TRERF1: variants seen among roughly 807,000 people sequenced by gnomAD.
TRERF1 encodes transcriptional-regulating factor 1.
TRERF1 carries 27 observed loss-of-function variants against 122.9 expected under a neutral mutation model. That is an observed-to-expected ratio of 0.22 (90% CI 0.16 to 0.30). The LOEUF (loss-of-function observed/expected upper bound fraction) is 0.30. Ranked by LOEUF, TRERF1 falls within the 10% of genes least tolerant of loss-of-function variation. The pLI is 1.00. For missense variants in TRERF1, 1,248 were observed against 1,560.3 expected (o/e 0.80, Z 3.37); for synonymous variants, 636 against 641.7 (o/e 0.99, Z 0.13).
rs1252866279 is a variant in TRERF1 at position 42,232,648 on chromosome 6, A to G, written c.3278+33T>C. The G allele has an allele frequency of 1.9e-6, 3 of 1,546,918 alleles. No homozygotes were observed. Among genetic ancestry groups the G allele is most frequent in the African/African-American group, 2.7e-5 (2 of 73,622 alleles). On this transcript the variant is annotated intron_variant, in intron 17 of 17. Transcript: ENST00000372922. This position sits in a 1 kb window ranked among gnomAD's most constrained non-coding sequence, Gnocchi z 4.5. Reference sequence around the variant, plus strand: ...CCCATAGAGCGACTACCCATCATGAACTCAGATTCAGTCCCCGGTCCCCTG... The same window carrying G: ...CCCATAGAGCGACTACCCATCATGAGCTCAGATTCAGTCCCCGGTCCCCTG...
chr6:42,324,219 A>G (rs1285504737), intron 3 of TRERF1, among the ~76,000 whole-genome samples: 1 of 152,212 alleles, frequency 6.6e-6, no homozygotes, highest in East Asian at 1.9e-4. Flanking sequence ...ATATCTCTAC[A>G]AGAACTACAA....
rs60880174 is a variant in TRERF1, at chr6:42,303,904, TAA to T, written c.-370-3157_-370-3156del. On this transcript the variant is annotated intron_variant, in intron 3 of 17. Transcript: ENST00000372922. The stretch of plus-strand genomic sequence containing the variant: ...GGTGACAGAGGGAGACACTGTCTCA[TAA>T]AAAAAAAAAAAAAAAAAAAAAAAGA... 7.3e-3 allele frequency among the ~76,000 whole-genome samples: 506 copies of T among 69,266 alleles called. 1 individual carries two copies. Among genetic ancestry groups the T allele is most frequent in the Middle Eastern group, 0.038 (4 of 106 alleles). 45.4% of individuals were successfully genotyped at this position (69,266 alleles called of 152,430 possible).
chr6:42,435,824 A>G (rs1328388175), intron 2 of TRERF1, among the ~76,000 whole-genome samples: 1 of 147,772 alleles, frequency 6.8e-6, no homozygotes, highest in Non-Finnish European at 1.5e-5. Context: ...AAAAAAAAAT[A>G]CAAAAGTTAG....
chr6:42,389,631 G>A (rs75864322), intron 2 of TRERF1, among the ~76,000 whole-genome samples: 1,549 of 152,260 alleles, frequency 0.01, 29 homozygotes, highest in African/African-American at 0.034. Flanking sequence ...TTATCCAGCC[G>A]TCATTGATTA....
At chr6:42,352,351 C>T (rs1769626736) in intron 3 of TRERF1, among the ~76,000 whole-genome samples, 1 of 152,172 alleles carries the variant, frequency 6.6e-6, no homozygotes, top group African/African-American at 2.4e-5. Flanking sequence ...TATGCACACA[C>T]AGAAAAACTA....
chr6:42,337,469 C>T (rs114351692), intron 3 of TRERF1, among the ~76,000 whole-genome samples: 284 of 152,288 alleles, frequency 1.9e-3, no homozygotes, highest in Middle Eastern at 3.4e-3. Flanking sequence ...ATTGAGTCCC[C>T]GCCTGCAGAT....
At chr6:42,240,680 C>T (rs1773478175) in intron 15 of TRERF1, among the ~76,000 whole-genome samples, 1 of 152,158 alleles carries the variant, frequency 6.6e-6, no homozygotes, top group African/African-American at 2.4e-5. Context: ...TTGCATACTG[C>T]TTTTAAACAC....
intron 2 of TRERF1, among the ~76,000 whole-genome samples, chr6:42,372,438 T>C (rs1422418234): frequency 6.6e-6 from 1 of 152,138 alleles, no homozygotes; most frequent in Non-Finnish European, 1.5e-5. Context: ...AGAGTGGCAA[T>C]GGCTTCCCCC....
At chr6:42,320,393 C>G (rs1279946468) in intron 3 of TRERF1, among the ~76,000 whole-genome samples, 1 of 152,014 alleles carries the variant, frequency 6.6e-6, no homozygotes, top group Non-Finnish European at 1.5e-5. Flanking sequence ...TAAACAGATT[C>G]AAGAAGGGTT....
chr6:42,269,051 A>G lies in TRERF1; in HGVS notation c.540T>C (p.Ala180=). 1.2e-6 allele frequency: 2 copies of G among 1,614,130 alleles called. No homozygotes were observed. The highest frequency in any genetic ancestry group is 1.6e-4 in the Middle Eastern group (1 of 6,062). Residue 180 remains alanine, a synonymous_variant, in exon 5 of 18, where the codon GCT becomes GCC. Transcript: ENST00000372922. This position sits in a 1 kb window ranked among gnomAD's most constrained non-coding sequence, Gnocchi z 4.9. ...GCTTCTGAGACAGCAGCTGGCGGAG[A>G]GCACTGTCAGGGGCTCCATCCATCA...
At chr6:42,389,543 C>T (rs900477535) in intron 2 of TRERF1, among the ~76,000 whole-genome samples, 6 of 152,234 alleles carry the variant, frequency 3.9e-5, no homozygotes, top group African/African-American at 9.6e-5. Flanking sequence ...TGACCCAGCA[C>T]GGAGCCTCTG....
intron 2 of TRERF1, among the ~76,000 whole-genome samples, chr6:42,443,025 T>C (rs1786809211): frequency 6.6e-6 from 1 of 152,244 alleles, no homozygotes; most frequent in African/African-American, 2.4e-5. Flanking sequence ...CAAAGAGGCT[T>C]TGGAACTACA....
chr6:42,443,128 A>G (rs1335206877), intron 2 of TRERF1, among the ~76,000 whole-genome samples: 3 of 152,180 alleles, frequency 2.0e-5, no homozygotes, highest in African/African-American at 7.2e-5. Context: ...AATTGCTATC[A>G]GTTCCACTGT....
chr6:42,345,660 T>TAA (rs1768124346), intron 3 of TRERF1, among the ~76,000 whole-genome samples: 1 of 152,254 alleles, frequency 6.6e-6, no homozygotes, highest in African/African-American at 2.4e-5. Context: ...AACTAATACA[T>TAA]AAAGTGCAGT....
At chr6:42,399,438 G>C (rs4714603) in intron 2 of TRERF1, among the ~76,000 whole-genome samples, 1,792 of 152,128 alleles carry the variant, frequency 0.012, 36 homozygotes, top group East Asian at 0.096. Context: ...GAGGGACCTG[G>C]GTGTCTTCAG....
At chr6:42,385,435 C>G (rs767038138) in intron 2 of TRERF1, among the ~76,000 whole-genome samples, 4 of 152,214 alleles carry the variant, frequency 2.6e-5, no homozygotes, top group Non-Finnish European at 4.4e-5. Context: ...CTGGGGCCAC[C>G]ACCACCCTGA....
chr6:42,303,905 A>T (rs373862417), intron 3 of TRERF1, among the ~76,000 whole-genome samples: 4 of 3,060 alleles, frequency 1.3e-3, no homozygotes, highest in African/African-American at 2.1e-3. Flanking sequence ...ACTGTCTCAT[A>T]AAAAAAAAAA....
intron 3 of TRERF1, among the ~76,000 whole-genome samples, chr6:42,338,514 G>A (rs1017192242): frequency 6.6e-6 from 1 of 152,154 alleles, no homozygotes; most frequent in Non-Finnish European, 1.5e-5. Context: ...TCATTAGAAT[G>A]GAATTTTTAA....
At chr6:42,301,019 A>G (rs1786075612) in intron 3 of TRERF1, among the ~76,000 whole-genome samples, 1 of 144,234 alleles carries the variant, frequency 6.9e-6, no homozygotes, top group Non-Finnish European at 1.5e-5. Flanking sequence ...AGAGAGAGAC[A>G]GACAGACAGA....
Sources: gnomAD v4.1 joint callset for allele counts (sites outside exome capture counted in the v4.1 genomes callset) on GRCh38, gnomAD v4.1.1 for gene constraint, Gnocchi (gnomAD v3.1) non-coding constraint, MANE v1.5 for transcripts, NCBI Gene and HGNC (gene_info 2026-07-23, HGNC 2026-07-21) for gene names.